Variants in PCDH1 observed in about 807,000 individuals in gnomAD.
PCDH1 encodes the protein protocadherin 1, also known as protocadherin-1.
PCDH1 carries 23 observed loss-of-function variants against 74.6 expected under a neutral mutation model. The observed-to-expected ratio is 0.31, with a 90% CI of 0.22 to 0.44. PCDH1 has a LOEUF of 0.44. Among genes scored for constraint, PCDH1 ranks in the 20% least tolerant of loss-of-function variants. The probability of loss-of-function intolerance (pLI) is 1.00; values close to 1 mark genes in which losing one functional copy is unlikely to be tolerated. For synonymous variants in PCDH1, 647 were observed against 686.1 expected (o/e 0.94, Z 0.89); for missense variants, 1,214 against 1,641.4 (o/e 0.74, Z 4.50).
Position 141,869,286 on chromosome 5 carries a change from G to A in PCDH1, c.186C>T (p.Tyr62=). The stretch of plus-strand genomic sequence containing the variant: ...TGGGTGGCTGTTCCTCCGGCACCTT[G>A]TACACTACCCGAGTGGCGTGGCCTG... ...PSPGHATRVV[Y]KVPEEQPPNT... is the part of the protein sequence containing the mutation. The change falls in exon 2 of 5, where the codon TAC becomes TAT. Residue 62 remains tyrosine, a synonymous_variant. Coordinates refer to ENST00000287008, the MANE Select transcript of PCDH1 (RefSeq NM_032420.5). The surrounding 1 kb of genome is among the most constrained non-coding windows in gnomAD (Gnocchi z 4.9). 2.5e-6 allele frequency: 4 copies of A among 1,607,780 alleles called. No individual in the cohort carries two copies. The highest frequency in any genetic ancestry group is 3.4e-6 in the Non-Finnish European group (4 of 1,177,332).
At chr5:141,856,435 C>T (rs891918626) in intron 4 of PCDH1, among the ~76,000 whole-genome samples, 4 of 152,100 alleles carry the variant, frequency 2.6e-5, no homozygotes, top group South Asian at 2.1e-4. Context: ...TTTTGTGGAG[C>T]GAGGAGGCTT....
chr5:141,863,552 C>A lies in PCDH1; in HGVS notation c.2779G>T (p.Asp927Tyr). ...TTCTGCAGCCCGGCCTCATCCTCGTCCTCCACTGGCTTCACGGGCTTTGGG... is the reference window on the plus strand; with the variant it reads ...TTCTGCAGCCCGGCCTCATCCTCGTACTCCACTGGCTTCACGGGCTTTGGG... ...KSPKPVKPVE[D>Y]EDEAGLQKSL... Residue 927 changes from aspartate to tyrosine, a missense_variant, in exon 3 of 5, where the codon GAC (aspartate) becomes TAC (tyrosine). Around this residue, in one of 4 missense-constraint regions of PCDH1, gnomAD observed 836 missense variants for 1,182.2 expected, o/e 0.71. Transcript: ENST00000287008. This position sits in a 1 kb window ranked among gnomAD's most constrained non-coding sequence, Gnocchi z 7.5. 6.2e-7 allele frequency: 1 copy of A among 1,614,174 alleles called. No individual in the cohort carries two copies. Among genetic ancestry groups the A allele is most frequent in the Non-Finnish European group, 8.5e-7 (1 of 1,180,018 alleles).
rs182919786 is a variant in PCDH1 at position 141,868,575 on chromosome 5, G to A, written c.897C>T (p.Val299=). 5.0e-5 allele frequency: 77 copies of A among 1,528,666 alleles called. 2 individuals are homozygous for A. In the Admixed American group the frequency reaches 1.6e-3, roughly 32 times the overall value. 94.7% of individuals were successfully genotyped at this position (1,528,666 alleles called of 1,614,324 possible). A position where few individuals can be genotyped will look rare whatever the true frequency, so the allele number is the denominator to read the frequency against. ...TACGGAGGGGGCCTCTCACCTGGATGACCGAGTGGCCTATGGGGCTATTCT... is the reference window on the plus strand; with the variant it reads ...TACGGAGGGGGCCTCTCACCTGGATAACCGAGTGGCCTATGGGGCTATTCT... ...LSENSPIGHS[V]IQVKANDSDQ... is the part of the protein sequence containing the mutation. Residue 299 remains valine (V), a synonymous_variant, in exon 2 of 5, where the codon GTC becomes GTT. Transcript: ENST00000287008. The surrounding 1 kb of genome is among the most constrained non-coding windows in gnomAD (Gnocchi z 4.8).
chr5:141,868,358 C>G lies in PCDH1; in HGVS notation c.903+211G>C. 7.7e-7 allele frequency: 1 copy of G among 1,296,330 alleles called. No individual in the cohort carries two copies. The highest frequency in any genetic ancestry group is 2.8e-5 in the East Asian group (1 of 35,376). 80.3% of individuals were successfully genotyped at this position (1,296,330 alleles called of 1,614,324 possible). On this transcript the variant is annotated intron_variant, in intron 2 of 4. Coordinates refer to ENST00000287008, the MANE Select transcript of PCDH1 (RefSeq NM_032420.5). This position sits in a 1 kb window ranked among gnomAD's most constrained non-coding sequence, Gnocchi z 4.8. ...ACGGGAAACTGTTCATATGCTATTT[C>G]ACTGTCACCTAAGTAGCCTGATAGA...
intron 2 of PCDH1, chr5:141,867,420 TA>T: frequency 2.9e-6 from 1 of 348,410 alleles, no homozygotes; most frequent in Non-Finnish European, 5.5e-6. Flanking sequence ...GCGAGTTTTC[TA>T]ATCTGTTTGG....
intron 1 of PCDH1, among the ~76,000 whole-genome samples, chr5:141,877,766 G>A (rs1260525512): frequency 6.6e-6 from 1 of 152,214 alleles, no homozygotes; most frequent in East Asian, 1.9e-4. Flanking sequence ...GGGTGCCCGC[G>A]AGAAGCTGGA....
chr5:141,876,023 G>C (rs1753219522), intron 1 of PCDH1, among the ~76,000 whole-genome samples: 1 of 152,220 alleles, frequency 6.6e-6, no homozygotes, highest in African/African-American at 2.4e-5. Flanking sequence ...TGCACGAAGC[G>C]ACCCAAGCAG....
At chr5:141,862,790 A>C in intron 3 of PCDH1, 1 of 1,036,024 alleles carries the variant, frequency 9.7e-7, no homozygotes, top group Non-Finnish European at 1.2e-6. Context: ...CAGACTCCCC[A>C]CTCAGTTATC....
chr5:141,873,370 C>T (rs867584450), intron 1 of PCDH1, among the ~76,000 whole-genome samples: 19 of 150,060 alleles, frequency 1.3e-4, no homozygotes, highest in South Asian at 6.3e-4. Context: ...GATCTCCTGA[C>T]CTCATGATCT....
At position 141,854,196 on chromosome 5, in the gene PCDH1, A is replaced by C. The variant is rs1275545763; in HGVS notation, c.3560T>G (p.Leu1187Arg). ...DRNTKTAPVR[L>R]LPSYSAFSHS... ...GGAGAAGGCACTGTAGGAGGGCAGG[A>C]GGCGCACGGGGGCCGTTTTGGTGTT... The change falls in exon 5 of 5, where the codon CTC becomes CGC. Residue 1187 changes from leucine to arginine, a missense_variant. Coordinates refer to ENST00000287008, the MANE Select transcript of PCDH1 (RefSeq NM_032420.5). 1.2e-6 allele frequency: 2 copies of C among 1,609,986 alleles called. No individual in the cohort carries two copies. The highest frequency in any genetic ancestry group is 1.7e-6 in the Non-Finnish European group (2 of 1,177,414).
chr5:141,863,125 G>C lies in PCDH1; in HGVS notation c.3099+107C>G, dbSNP rs1207099533. On this transcript the variant is annotated intron_variant, in intron 3 of 4. Coordinates refer to ENST00000287008, the MANE Select transcript of PCDH1 (RefSeq NM_032420.5). This position sits in a 1 kb window ranked among gnomAD's most constrained non-coding sequence, Gnocchi z 7.5. ...TGGCTCAGGCTGGCCCCCAACACGG[G>C]CAGGCACAGTAAACCTGCTCCATCA... 5 of 1,436,412 alleles carry C rather than the reference G, an allele frequency of 3.5e-6. No homozygotes were observed. The South Asian group carries it at 9.2e-5, about 26-fold the overall frequency. 89.0% of individuals were successfully genotyped at this position (1,436,412 alleles called of 1,614,324 possible).
At position 141,854,012 on chromosome 5, in the gene PCDH1, G is replaced by A. The variant is rs774027386; in HGVS notation, c.*30C>T. 2 of 1,475,516 alleles carry A rather than the reference G, an allele frequency of 1.4e-6. No individual in the cohort carries two copies. Among genetic ancestry groups the A allele is most frequent in the Non-Finnish European group, 1.8e-6 (2 of 1,111,332 alleles). The allele number at this position is 1,475,516 out of a possible 1,614,324, so 91.4% of individuals were successfully genotyped here. A position where few individuals can be genotyped will look rare whatever the true frequency, so the allele number is the denominator to read the frequency against. ...CATTTGGGAGCTGGCCGGCGGCTGG[G>A]GGAGGGGGGCCGGCCGGCCAGTAGG... On this transcript the variant is annotated 3_prime_UTR_variant, in exon 5 of 5. Coordinates refer to ENST00000287008, the MANE Select transcript of PCDH1 (RefSeq NM_032420.5).
At position 141,857,349 on chromosome 5, in the gene PCDH1, G is replaced by A. The variant is rs756296100; in HGVS notation, c.3222C>T (p.Ser1074=). ...EESETPSSKS[S]SGPRLGPLAL... Reference sequence around the variant, plus strand: ...CCAGGGGACCGAGTCGAGGCCCTGAGGATGACTTGCTGGACGGCGTCTCAG... The same window carrying A: ...CCAGGGGACCGAGTCGAGGCCCTGAAGATGACTTGCTGGACGGCGTCTCAG... Residue 1074 remains serine (S), a synonymous_variant, in exon 4 of 5, where the codon TCC becomes TCT. Coordinates refer to ENST00000287008, the MANE Select transcript of PCDH1 (RefSeq NM_032420.5). The A allele has an allele frequency of 6.2e-7, 1 of 1,614,032 alleles. No individual in the cohort carries two copies. The highest frequency in any genetic ancestry group is 8.5e-7 in the Non-Finnish European group (1 of 1,179,966).
At chr5:141,857,675 G>A (rs1752403378) in intron 3 of PCDH1, among the ~76,000 whole-genome samples, 1 of 152,072 alleles carries the variant, frequency 6.6e-6, no homozygotes, top group Admixed American at 6.6e-5. Context: ...ACCGCTCCTA[G>A]TACAGCCAAG....
chr5:141,867,494 A>T, intron 2 of PCDH1: 1 of 433,512 alleles, frequency 2.3e-6, no homozygotes, highest in Non-Finnish European at 4.5e-6. Flanking sequence ...ATTAAATGAT[A>T]TAATACACAT....
chr5:141,868,380 T>G lies in PCDH1; in HGVS notation c.903+189A>C. On this transcript the variant is annotated intron_variant, in intron 2 of 4. Transcript: ENST00000287008. This position sits in a 1 kb window ranked among gnomAD's most constrained non-coding sequence, Gnocchi z 4.8. ...TTTCACTGTCACCTAAGTAGCCTGATAGAGGAAAGTAATATCACCTGCTGG... is the reference window on the plus strand; with the variant it reads ...TTTCACTGTCACCTAAGTAGCCTGAGAGAGGAAAGTAATATCACCTGCTGG... 1.5e-6 allele frequency: 2 copies of G among 1,362,966 alleles called. No individual in the cohort carries two copies. Among genetic ancestry groups the G allele is most frequent in the Non-Finnish European group, 1.9e-6 (2 of 1,062,996 alleles). 84.4% of individuals were successfully genotyped at this position (1,362,966 alleles called of 1,614,324 possible).
chr5:141,874,290 G>A (rs1162851678), intron 1 of PCDH1, among the ~76,000 whole-genome samples: 1 of 152,218 alleles, frequency 6.6e-6, no homozygotes, highest in Non-Finnish European at 1.5e-5. Context: ...CCTCACCCGT[G>A]TTCCCACCAT....
rs140575854 is a variant in PCDH1 at position 141,859,948 on chromosome 5, T to A, written c.3100-2477A>T. The stretch of plus-strand genomic sequence containing the variant: ...AGTTCTTCCAGTCTCATCTTTCAGC[T>A]TTCTCTTATGCCCCTCTTCTTGCCA... On this transcript the variant is annotated intron_variant, in intron 3 of 4. Transcript: ENST00000287008. Among the ~76,000 whole-genome samples the A allele has an allele frequency of 7.3e-3, 1,119 of 152,334 alleles. 7 individuals are homozygous for A. The highest frequency in any genetic ancestry group is 0.012 in the Non-Finnish European group (820 of 68,026).
intron 1 of PCDH1, among the ~76,000 whole-genome samples, chr5:141,872,050 C>G (rs1006790377): frequency 1.3e-5 from 2 of 152,012 alleles, no homozygotes; most frequent in African/African-American, 2.4e-5. Context: ...GTGTGTGCGG[C>G]GTTATCAGAT....
Sources: allele counts gnomAD v4.1 joint callset (sites outside exome capture counted in the v4.1 genomes callset), GRCh38; gene constraint gnomAD v4.1.1; regional missense constraint gnomAD v4.1.1; non-coding constraint Gnocchi (gnomAD v3.1); transcripts MANE v1.5; gene names NCBI Gene and HGNC (gene_info 2026-07-23, HGNC 2026-07-21).